The following RPL35 variants were observed in gnomAD, a reference collection of about 807,000 sequenced individuals.
The protein encoded by RPL35 is ribosomal protein L35.
In RPL35, 2 loss-of-function variants were observed where a neutral mutation model predicts 15.6. The observed-to-expected ratio is 0.13, with a 90% CI of 0.05 to 0.40. The LOEUF is 0.40. RPL35 is among the 10% of genes least tolerant of loss of function. The probability of loss-of-function intolerance (pLI) is 0.99; values close to 1 mark genes in which losing one functional copy is unlikely to be tolerated. For missense variants in RPL35, 111 were observed against 164.7 expected, an observed-to-expected ratio of 0.67 and a Z score of 1.79; for synonymous variants, 93 against 67.9, an observed-to-expected ratio of 1.37 and a Z score of -1.82.
At chr9:124,858,236 G>A in intron 3 of RPL35, 169 bp from the exon 4 acceptor site, 1 of 654,030 alleles carries the variant, frequency 1.5e-6, no homozygotes, top group Non-Finnish European at 2.6e-6. Context: ...CCAAATCTAA[G>A]GCTGGTGGGA....
rs1008204520 is a variant in RPL35 at position 124,861,232 on chromosome 9, G to C, written c.140+187C>G. ...GATGGGTCTCCGGGGATGCATTCCA[G>C]GCACAAGGACCGCAAGGTCAAGGCA... On this transcript the variant is annotated intron_variant, in intron 2 of 3. Coordinates refer to ENST00000348462, the MANE Select transcript of RPL35 (RefSeq NM_007209.4). 14 of 703,126 alleles carry C rather than the reference G, an allele frequency of 2.0e-5. No individual in the cohort carries two copies. In the Admixed American group the frequency reaches 2.1e-4, roughly 10 times the overall value. The allele number at this position is 703,126 out of a possible 1,614,324, so 43.6% of individuals were successfully genotyped here. A position where few individuals can be genotyped will look rare whatever the true frequency, so the allele number is the denominator to read the frequency against.
intron 1 of RPL35, 76 bp from the exon 2 acceptor site, chr9:124,861,631 G>A (rs1351974752): frequency 3.5e-5 from 54 of 1,561,566 alleles, no homozygotes; most frequent in Non-Finnish European, 4.3e-5. Context: ...AGCCCCCAAA[G>A]GCGCGCGACT....
In RPL35 at chr9:124,858,611, C is replaced by A. The variant is rs1829146291; in HGVS notation, c.223-544G>T. On this transcript the variant is annotated intron_variant, in intron 3 of 3. Transcript: ENST00000348462. ...CCCACCTGCTTCCGGCTTTGGGGCC[C>A]CTGCCCACAGCTGTCACAGAGCCAT... 1.0e-5 allele frequency: 7 copies of A among 674,886 alleles called. No individual in the cohort carries two copies. In the South Asian group the frequency reaches 1.1e-4, roughly 11 times the overall value. 41.8% of individuals were successfully genotyped at this position (674,886 alleles called of 1,614,324 possible).
Position 124,861,357 on chromosome 9 carries a change from G to A in RPL35, c.140+62C>T, listed in dbSNP as rs1014320579. 5.1e-6 allele frequency: 8 copies of A among 1,561,062 alleles called. No homozygotes were observed. The African/African-American group carries it at 6.8e-5, about 13-fold the overall frequency. On this transcript the variant is annotated intron_variant, in intron 2 of 3. Transcript: ENST00000348462. Reference sequence around the variant, plus strand: ...CCTTAAGCCAACTTTGAAATCCTCCGACGATCCCGATGCACACGTGCTCCC... The same window carrying A: ...CCTTAAGCCAACTTTGAAATCCTCCAACGATCCCGATGCACACGTGCTCCC...
At chr9:124,861,822 G>C in intron 1 of RPL35, 88 bp downstream of exon 1, 1 of 1,536,250 alleles carries the variant, frequency 6.5e-7, no homozygotes, top group Non-Finnish European at 8.8e-7. Context: ...CTAGGTGGCA[G>C]ATAGAATCCG....
rs10593927 is a variant in RPL35 at position 124,858,201 on chromosome 9, CAT to C, written c.223-136_223-135del. On this transcript the variant is annotated intron_variant, in intron 3 of 3. Coordinates refer to ENST00000348462, the MANE Select transcript of RPL35 (RefSeq NM_007209.4). ...ACCATGGGACTGCCAGCAGGCCACA[CAT>C]GTCACTAACTCAATTAATCCCCCCA... is the stretch of plus-strand genomic sequence containing the variant. The C allele has an allele frequency of 0.96, 733,711 of 764,696 alleles. 353,691 individuals are homozygous for C. The highest frequency in any genetic ancestry group is 0.99 in the Non-Finnish European group (471,357 of 474,010). 47.4% of individuals were successfully genotyped at this position (764,696 alleles called of 1,614,324 possible). A position where few individuals can be genotyped will look rare whatever the true frequency, so the allele number is the denominator to read the frequency against.
Position 124,861,408 on chromosome 9 carries a change from G to C in RPL35, c.140+11C>G, listed in dbSNP as rs779768273. ...CACCCACGAGGGCTGTGATCCGGCC[G>C]CCTCACTTACATCTTAGAGAGCTTG... On this transcript the variant is annotated intron_variant, in intron 2 of 3. Coordinates refer to ENST00000348462, the MANE Select transcript of RPL35 (RefSeq NM_007209.4). The C allele has an allele frequency of 1.9e-6, 3 of 1,607,512 alleles. No individual in the cohort carries two copies. Among genetic ancestry groups the C allele is most frequent in the East Asian group, 2.2e-5 (1 of 44,724 alleles).
intron 3 of RPL35, 113 bp downstream of exon 3, chr9:124,860,070 C>A (rs1829172449): frequency 1.3e-6 from 1 of 778,516 alleles, no homozygotes; most frequent in South Asian, 1.5e-5. Context: ...ATTGGGAAGG[C>A]TAACCACTCT....
chr9:124,860,794 C>G (rs139128846), intron 2 of RPL35, among the ~76,000 whole-genome samples: 1 of 152,148 alleles, frequency 6.6e-6, no homozygotes, highest in African/African-American at 2.4e-5. Context: ...TTGTCCAATC[C>G]TCCCACCCCT....
chr9:124,860,787 T>A (rs1341766100), intron 2 of RPL35, among the ~76,000 whole-genome samples: 1 of 151,976 alleles, frequency 6.6e-6, no homozygotes, highest in Non-Finnish European at 1.5e-5. Context: ...ACTGTGCTTG[T>A]CCAATCCTCC....
chr9:124,859,712 C>A (rs1422666547), intron 3 of RPL35, among the ~76,000 whole-genome samples: 2 of 152,206 alleles, frequency 1.3e-5, no homozygotes, highest in Non-Finnish European at 2.9e-5. Flanking sequence ...CCTGTGCACA[C>A]CTCCCAGAAC....
chr9:124,858,772 G>A (rs993445353), intron 3 of RPL35, among the ~76,000 whole-genome samples: 4 of 152,230 alleles, frequency 2.6e-5, no homozygotes, highest in African/African-American at 9.6e-5. Flanking sequence ...ACTGGGCCCT[G>A]TGCTGGGAGC....
intron 1 of RPL35, 138 bp from the exon 2 acceptor site, chr9:124,861,693 C>G: frequency 7.3e-7 from 1 of 1,377,098 alleles, no homozygotes; most frequent in East Asian, 2.4e-5. Context: ...AGGACAGTCT[C>G]CCTCGCCGGC....
rs1829139320 is a variant in RPL35 at position 124,858,310 on chromosome 9, G to A, written c.223-243C>T. The A allele has an allele frequency of 1.3e-5, 8 of 617,436 alleles. No homozygotes were observed. The Admixed American group carries it at 1.4e-4, about 11-fold the overall frequency. 38.2% of individuals were successfully genotyped at this position (617,436 alleles called of 1,614,324 possible). ...TGAGTGTCCAAGTCTTGGCAAAGCT[G>A]TGGAAGAGCCGGGGCTTGCATCTCA... On this transcript the variant is annotated intron_variant, in intron 3 of 3. Transcript: ENST00000348462.
intron 1 of RPL35, 112 bp from the exon 2 acceptor site, chr9:124,861,667 G>A (rs1829199750): frequency 6.7e-7 from 1 of 1,482,072 alleles, no homozygotes; most frequent in Admixed American, 1.9e-5. Flanking sequence ...GTGCGCCGGA[G>A]CCCCAACCAG....
At chr9:124,858,604 T>C in intron 3 of RPL35, 1 of 682,572 alleles carries the variant, frequency 1.5e-6, no homozygotes, top group Non-Finnish European at 2.7e-6. Context: ...CTTCCGGCTT[T>C]GGGGCCCCTG....
At chr9:124,861,279 C>T in intron 2 of RPL35, 140 bp downstream of exon 2, 4 of 1,061,302 alleles carry the variant, frequency 3.8e-6, no homozygotes, top group Non-Finnish European at 4.1e-6. Flanking sequence ...AAGCACACAA[C>T]GGGTCTCCCA....
chr9:124,858,293 C>T, intron 3 of RPL35: 1 of 616,328 alleles, frequency 1.6e-6, no homozygotes, highest in Middle Eastern at 4.4e-4. Context: ...GCTGAGTGTC[C>T]AAGTCTTGGC....
chr9:124,861,809 G>C (rs778512958), intron 1 of RPL35, 101 bp downstream of exon 1: 5 of 1,491,514 alleles, frequency 3.4e-6, no homozygotes, highest in Admixed American at 2.1e-5. Context: ...GCGCCCCACA[G>C]GCCTAGGTGG....
Sources: gnomAD v4.1 joint callset for allele counts (sites outside exome capture counted in the v4.1 genomes callset) on GRCh38, gnomAD v4.1.1 for gene constraint, MANE v1.5 for transcripts, NCBI Gene and HGNC (gene_info 2026-07-23, HGNC 2026-07-21) for gene names.